The following PDLIM1 variants were observed in gnomAD, a reference collection of about 807,000 sequenced individuals.
PDLIM1 encodes the protein PDZ and LIM domain protein 1.
In PDLIM1, 25 loss-of-function variants were observed where a neutral mutation model predicts 35.2. The ratio of observed to expected loss-of-function variants is 0.71; its 90% confidence interval spans 0.52 to 0.99. The LOEUF is 0.99. Ranked by LOEUF, PDLIM1 falls within the 50% of genes least tolerant of loss-of-function variation. The pLI is 0.00. For missense variants in PDLIM1, 363 were observed against 415.3 expected (o/e 0.87, Z 1.09); for synonymous variants, 152 against 154.0 (o/e 0.99, Z 0.10).
intron 5 of PDLIM1, among the ~76,000 whole-genome samples, chr10:95,243,209 C>T (rs2035192672): frequency 6.6e-6 from 1 of 152,208 alleles, no homozygotes; most frequent in African/African-American, 2.4e-5. Flanking sequence ...TTCAGCCCTA[C>T]AGTGCCACCT....
intron 4 of PDLIM1, among the ~76,000 whole-genome samples, chr10:95,255,309 C>A (rs2035302944): frequency 3.2e-5 from 4 of 126,078 alleles, no homozygotes; most frequent in Non-Finnish European, 5.1e-5. Flanking sequence ...ACCCTGATAC[C>A]AAAACCAAAG....
chr10:95,268,656 A>T (rs3737015), intron 3 of PDLIM1, 122 bp downstream of exon 3: 533,650 of 710,708 alleles, frequency 0.75, 203,953 homozygotes, highest in Non-Finnish European at 0.81. Context: ...ATACCAGCAG[A>T]GACAGTGAAG....
chr10:95,253,440 A>T (rs534516051), intron 4 of PDLIM1, among the ~76,000 whole-genome samples: 20 of 152,340 alleles, frequency 1.3e-4, no homozygotes, highest in African/African-American at 4.6e-4. Flanking sequence ...GGCTCACCTG[A>T]GGTGAGGAGT....
chr10:95,268,235 T>C (rs2035431694), intron 3 of PDLIM1, among the ~76,000 whole-genome samples: 1 of 152,192 alleles, frequency 6.6e-6, no homozygotes, highest in African/African-American at 2.4e-5. Context: ...TTTTTTTATA[T>C]TAATTGCTGC....
intron 5 of PDLIM1, chr10:95,238,986 ATC>A: frequency 1.7e-5 from 4 of 238,854 alleles, no homozygotes; most frequent in African/African-American, 2.2e-5. Flanking sequence ...GGCTACAGTA[ATC>A]AAAACGACAT....
In PDLIM1 at chr10:95,271,747, C is replaced by T. The variant is rs1296799412; in HGVS notation, c.134G>A (p.Cys45Tyr). Reference sequence around the variant, plus strand: ...AATGGCTGTGATTACATCTCCAATACATAAATTAGCTAGAGCCGCCTTGCT... The same window carrying T: ...AATGGCTGTGATTACATCTCCAATATATAAATTAGCTAGAGCCGCCTTGCT... ...PGSKAALANL[C>Y]IGDVITAIDG... The change falls in exon 2 of 7, where the codon TGT (cysteine) becomes TAT (tyrosine). Residue 45 changes from cysteine to tyrosine, a missense_variant. Transcript: ENST00000329399. 6.2e-7 allele frequency: 1 copy of T among 1,612,384 alleles called. No individual in the cohort carries two copies. The highest frequency in any genetic ancestry group is 1.3e-5 in the African/African-American group (1 of 74,920).
intron 4 of PDLIM1, among the ~76,000 whole-genome samples, chr10:95,262,000 C>G: frequency 7.0e-6 from 1 of 142,202 alleles, no homozygotes; most frequent in Non-Finnish European, 1.5e-5. Flanking sequence ...AAGAGTGAAA[C>G]TCCGTCTCAA....
intron 1 of PDLIM1, among the ~76,000 whole-genome samples, chr10:95,276,982 G>T (rs1382394978): frequency 2.0e-5 from 3 of 150,378 alleles, no homozygotes; most frequent in Non-Finnish European, 4.4e-5. Context: ...GGAGACCAAG[G>T]TAAGTGGCTC....
intron 4 of PDLIM1, among the ~76,000 whole-genome samples, chr10:95,249,835 G>T (rs893940827): frequency 6.6e-6 from 1 of 152,162 alleles, no homozygotes; most frequent in Non-Finnish European, 1.5e-5. Flanking sequence ...AGTGGCATAT[G>T]CTTCATGGCT....
intron 5 of PDLIM1, among the ~76,000 whole-genome samples, chr10:95,243,280 C>A (rs1355162881): frequency 6.6e-6 from 1 of 152,208 alleles, no homozygotes; most frequent in Non-Finnish European, 1.5e-5. Flanking sequence ...AGAGAAATCT[C>A]TCTTCCTTTC....
chr10:95,287,196 C>T (rs1285144911), intron 1 of PDLIM1, among the ~76,000 whole-genome samples: 1 of 152,208 alleles, frequency 6.6e-6, no homozygotes. Flanking sequence ...TCCCAGGTAT[C>T]AATTTCACAG....
Position 95,247,182 on chromosome 10 carries a change from C to A in PDLIM1, c.685+33G>T, listed in dbSNP as rs558662602. 5 of 1,595,046 alleles carry A rather than the reference C, an allele frequency of 3.1e-6. No homozygotes were observed. In the South Asian group the frequency reaches 5.8e-5, roughly 18 times the overall value. ...ACTGACTCTCACATCTGACCTTGAA[C>A]AAGAGCCTCTGACTGCAGATGGAGC... On this transcript the variant is annotated intron_variant, in intron 5 of 6. Transcript: ENST00000329399.
chr10:95,280,143 G>C (rs577534029), intron 1 of PDLIM1, among the ~76,000 whole-genome samples: 4 of 152,170 alleles, frequency 2.6e-5, no homozygotes, highest in Non-Finnish European at 4.4e-5. Flanking sequence ...TGGGAGGCCA[G>C]GGTGGGTGGA....
intron 2 of PDLIM1, among the ~76,000 whole-genome samples, chr10:95,271,290 T>G (rs2035462746): frequency 1.3e-5 from 2 of 151,426 alleles, no homozygotes; most frequent in South Asian, 4.2e-4. Context: ...TACAAAAATT[T>G]GCTGGGTGTG....
chr10:95,256,998 G>GAAAAGAAAAGAAAAGA lies in PDLIM1; in HGVS notation c.533+6865_533+6866insTCTTTTCTTTTCTTTT, dbSNP rs368066745. Among the ~76,000 whole-genome samples the GAAAAGAAAAGAAAAGA allele has an allele frequency of 2.2e-3, 250 of 114,018 alleles. 3 individuals carry two copies. The highest frequency in any genetic ancestry group is 6.7e-3 in the African/African-American group (231 of 34,728). 74.8% of individuals were successfully genotyped at this position (114,018 alleles called of 152,430 possible). On this transcript the variant is annotated intron_variant, in intron 4 of 6. Coordinates refer to ENST00000329399, the MANE Select transcript of PDLIM1 (RefSeq NM_020992.4). ...TTAAAAAAAAAAAAAAAGAAAGAAA[G>GAAAAGAAAAGAAAAGA]AAAGAAAGAAAGAAAGAAAGAAAGA...
At chr10:95,275,450 T>G (rs946126265) in intron 1 of PDLIM1, among the ~76,000 whole-genome samples, 35 of 152,356 alleles carry the variant, frequency 2.3e-4, no homozygotes, top group African/African-American at 7.9e-4. Flanking sequence ...ACCCAATAAC[T>G]GGAACATAGT....
intron 5 of PDLIM1, among the ~76,000 whole-genome samples, chr10:95,240,072 A>C (rs761362399): frequency 6.6e-6 from 1 of 152,232 alleles, no homozygotes; most frequent in Non-Finnish European, 1.5e-5. Context: ...TGTGGAAGAC[A>C]GTGTGGTGAG....
In PDLIM1 at chr10:95,288,142, G is replaced by A. The variant is rs2035618244; in HGVS notation, c.96+2678C>T. Among the ~76,000 whole-genome samples the A allele has an allele frequency of 4.6e-5, 7 of 152,020 alleles. No homozygotes were observed. The South Asian group carries it at 1.5e-3, about 32-fold the overall frequency. The stretch of plus-strand genomic sequence containing the variant: ...TGCTTGCTTTATAATCATTTGCTGT[G>A]CATTTGTATTTTATGATTTTTTATT... On this transcript the variant is annotated intron_variant, in intron 1 of 6. Coordinates refer to ENST00000329399, the MANE Select transcript of PDLIM1 (RefSeq NM_020992.4).
chr10:95,260,258 A>C (rs2035348952), intron 4 of PDLIM1, among the ~76,000 whole-genome samples: 1 of 152,214 alleles, frequency 6.6e-6, no homozygotes, highest in Non-Finnish European at 1.5e-5. Flanking sequence ...TCCCAAGGTC[A>C]CACAGCTAGT....
Sources: allele counts gnomAD v4.1 joint callset (sites outside exome capture counted in the v4.1 genomes callset), GRCh38; gene constraint gnomAD v4.1.1; transcripts MANE v1.5; gene names NCBI Gene and HGNC (gene_info 2026-07-23, HGNC 2026-07-21).